Variants in GPR39 observed in about 807,000 individuals in gnomAD.
The protein encoded by GPR39 is zinc sensing receptor.
Under a neutral mutation model 18.4 loss-of-function variants are expected in GPR39, and 23 were observed. The observed-to-expected ratio is 1.25, with a 90% CI of 0.90 to 1.77. The LOEUF is 1.77. Ranked by LOEUF, GPR39 falls within the 40% of genes most tolerant of loss-of-function variation. The pLI, the probability that GPR39 is intolerant of heterozygous loss-of-function variation, is 0.00. For missense variants in GPR39, 647 were observed against 602.4 expected (o/e 1.07, Z -0.78); for synonymous variants, 280 against 257.9 (o/e 1.09, Z -0.82).
At chr2:132,636,759 C>T (rs901806065) in intron 1 of GPR39, among the ~76,000 whole-genome samples, 11 of 152,330 alleles carry the variant, frequency 7.2e-5, no homozygotes, top group Middle Eastern at 3.4e-3. Flanking sequence ...ACAGTGCAGC[C>T]TTTCAGCTGT....
chr2:132,504,074 G>T lies in GPR39; in HGVS notation c.856+86176G>T, dbSNP rs57992456. 2.6e-5 allele frequency among the ~76,000 whole-genome samples: 4 copies of T among 152,332 alleles called. No homozygotes were observed. The East Asian group carries it at 7.7e-4, about 29-fold the overall frequency. ...CAGTTTTTGGCATCTCAGGGAGCCTGCAGGGGTAATCCAGTTTCTTCAAAG... is the reference window on the plus strand; with the variant it reads ...CAGTTTTTGGCATCTCAGGGAGCCTTCAGGGGTAATCCAGTTTCTTCAAAG... On this transcript the variant is annotated intron_variant, in intron 1 of 1. Transcript: ENST00000329321.
intron 1 of GPR39, among the ~76,000 whole-genome samples, chr2:132,527,115 C>T (rs904759750): frequency 4.6e-5 from 7 of 152,080 alleles, no homozygotes; most frequent in Admixed American, 3.3e-4. Flanking sequence ...CCCCACCCAC[C>T]GTCAGGCCCT....
At chr2:132,478,894 C>T (rs547212339) in intron 1 of GPR39, among the ~76,000 whole-genome samples, 18 of 151,580 alleles carry the variant, frequency 1.2e-4, no homozygotes, top group African/African-American at 3.4e-4. Flanking sequence ...ATACAATAGC[C>T]GGCTGTTCAG....
rs184034981 is a variant in GPR39 at position 132,476,169 on chromosome 2, G to A, written c.856+58271G>A. ...GAAGGAAGACAAAGTCCTTTAACTCGGGCCTAGTAGTGTCATGTCATTTAT... is the reference window on the plus strand; with the variant it reads ...GAAGGAAGACAAAGTCCTTTAACTCAGGCCTAGTAGTGTCATGTCATTTAT... On this transcript the variant is annotated intron_variant, in intron 1 of 1. Transcript: ENST00000329321. 9.9e-5 allele frequency among the ~76,000 whole-genome samples: 15 copies of A among 152,010 alleles called. No homozygotes were observed. The East Asian group carries it at 2.1e-3, about 22-fold the overall frequency.
intron 1 of GPR39, among the ~76,000 whole-genome samples, chr2:132,603,656 A>C (rs1435793431): frequency 1.3e-5 from 2 of 152,186 alleles, no homozygotes; most frequent in African/African-American, 4.8e-5. Flanking sequence ...CAATTATTAC[A>C]TGTCAACTAA....
In GPR39 at chr2:132,417,743, T is replaced by A; in HGVS notation, c.701T>A (p.Val234Asp). Residue 234 changes from valine (V) to aspartate (D), a missense_variant, in exon 1 of 2, where the codon GTC (valine) becomes GAC (aspartate). Coordinates refer to ENST00000329321, the MANE Select transcript of GPR39 (RefSeq NM_001508.3). ...IFGAFVVYLV[V>D]LLSVAFMCWN... is the part of the protein sequence containing the mutation. ...GGCGCCTTCGTGGTCTACCTCGTGG[T>A]CCTGCTCTCCGTAGCCTTCATGTGC... is the stretch of plus-strand genomic sequence containing the variant. 1 of 1,614,156 alleles carries A rather than the reference T, an allele frequency of 6.2e-7. No individual in the cohort carries two copies. The highest frequency in any genetic ancestry group is 2.2e-5 in the East Asian group (1 of 44,858).
At chr2:132,526,443 A>C (rs1679510325) in intron 1 of GPR39, among the ~76,000 whole-genome samples, 1 of 152,184 alleles carries the variant, frequency 6.6e-6, no homozygotes, top group Non-Finnish European at 1.5e-5. Flanking sequence ...CAGTATCTTC[A>C]AAGTGCAGGC....
intron 1 of GPR39, among the ~76,000 whole-genome samples, chr2:132,633,236 T>A (rs1681683277): frequency 6.6e-6 from 1 of 152,128 alleles, no homozygotes; most frequent in South Asian, 2.1e-4. Flanking sequence ...TTGGGGGATT[T>A]GCAATTTTTC....
chr2:132,493,866 T>C (rs1681582842), intron 1 of GPR39, among the ~76,000 whole-genome samples: 1 of 151,818 alleles, frequency 6.6e-6, no homozygotes, highest in African/African-American at 2.4e-5. Context: ...CAGGAGAGAA[T>C]GTCAAGTGAG....
chr2:132,497,205 G>T (rs1364857706), intron 1 of GPR39, among the ~76,000 whole-genome samples: 3 of 152,138 alleles, frequency 2.0e-5, no homozygotes, highest in Admixed American at 2.0e-4. Context: ...CACTACATTT[G>T]CATATTAATT....
rs745346748 is a variant in GPR39, at chr2:132,645,654, G to A, written c.*48G>A. On this transcript the variant is annotated 3_prime_UTR_variant, in exon 2 of 2. Transcript: ENST00000329321. ...GTGGGAACTGGCCCTCCAGCCCTAAGAAAACGTCACTCTCACTCTGCAGTC... is the reference window on the plus strand; with the variant it reads ...GTGGGAACTGGCCCTCCAGCCCTAAAAAAACGTCACTCTCACTCTGCAGTC... 1.0e-5 allele frequency: 16 copies of A among 1,567,764 alleles called. No individual in the cohort carries two copies. In the African/African-American group the frequency reaches 1.9e-4, roughly 19 times the overall value.
intron 1 of GPR39, among the ~76,000 whole-genome samples, chr2:132,562,221 T>A (rs1202532245): frequency 6.6e-6 from 1 of 152,128 alleles, no homozygotes; most frequent in Non-Finnish European, 1.5e-5. Context: ...ACTGCTTTCA[T>A]CTCTTCTCCC....
intron 1 of GPR39, among the ~76,000 whole-genome samples, chr2:132,597,510 C>T (rs1028726881): frequency 6.6e-6 from 1 of 152,140 alleles, no homozygotes; most frequent in Non-Finnish European, 1.5e-5. Context: ...GCAAATCAAA[C>T]ACCTGCTCAG....
chr2:132,421,788 C>A (rs1347102652), intron 1 of GPR39, among the ~76,000 whole-genome samples: 1 of 151,844 alleles, frequency 6.6e-6, no homozygotes, highest in Admixed American at 6.6e-5. Flanking sequence ...TTTTAGACCA[C>A]AGAATTAGGT....
rs774960473 is a variant in GPR39 at position 132,646,228 on chromosome 2, A to G, written c.*622A>G. ...GGGAGCAGAAGGACTGGTACCCGGC[A>G]GAGGCGATGAGACAGGCCGCTGATG... On this transcript the variant is annotated 3_prime_UTR_variant, in exon 2 of 2. Coordinates refer to ENST00000329321, the MANE Select transcript of GPR39 (RefSeq NM_001508.3). 6 of 1,591,386 alleles carry G rather than the reference A, an allele frequency of 3.8e-6. 1 individual carries two copies. Among genetic ancestry groups the G allele is most frequent in the South Asian group, 2.3e-5 (2 of 87,746 alleles).
chr2:132,502,843 C>T (rs1015479214), intron 1 of GPR39, among the ~76,000 whole-genome samples: 10 of 152,152 alleles, frequency 6.6e-5, no homozygotes, highest in East Asian at 1.9e-4. Context: ...CTTTCTTCTG[C>T]GTGTTCAGTT....
chr2:132,417,356 C>T lies in GPR39; in HGVS notation c.314C>T (p.Thr105Ile). ...AATCCCCTGACCACGTCCAGCTACA[C>T]CCTGTCCTGCAAGCTGCACACTTTC... ...IWNPLTTSSY[T>I]LSCKLHTFLF... The change falls in exon 1 of 2, where the codon ACC (threonine) becomes ATC (isoleucine). Residue 105 changes from threonine (T) to isoleucine (I), a missense_variant. Physicochemically the swap from Thr to Ile is moderately conservative, Grantham distance 89 (BLOSUM62 -1). Transcript: ENST00000329321. The T allele has an allele frequency of 1.2e-6, 2 of 1,614,202 alleles. No individual in the cohort carries two copies. The highest frequency in any genetic ancestry group is 2.2e-5 in the East Asian group (1 of 44,876).
intron 1 of GPR39, among the ~76,000 whole-genome samples, chr2:132,536,566 T>G (rs1253404380): frequency 6.6e-6 from 1 of 152,264 alleles, no homozygotes; most frequent in Non-Finnish European, 1.5e-5. Flanking sequence ...TGAAGAGTTT[T>G]GTAGATGTCT....
intron 1 of GPR39, among the ~76,000 whole-genome samples, chr2:132,462,122 A>T (rs1558805434): frequency 6.6e-6 from 1 of 152,214 alleles, no homozygotes; most frequent in African/African-American, 2.4e-5. Flanking sequence ...GGAGATAGCC[A>T]AATATATAAT....
Sources: allele counts gnomAD v4.1 joint callset (sites outside exome capture counted in the v4.1 genomes callset), GRCh38; gene constraint gnomAD v4.1.1; transcripts MANE v1.5; gene names NCBI Gene and HGNC (gene_info 2026-07-23, HGNC 2026-07-21).